The following MS4A6E variants were observed in gnomAD, a reference collection of about 807,000 sequenced individuals.
MS4A6E encodes membrane spanning 4-domains A6E.
MS4A6E carries 8 observed loss-of-function variants against 13.2 expected under a neutral mutation model. The observed-to-expected ratio is 0.60, with a 90% CI of 0.35 to 1.09. The LOEUF (loss-of-function observed/expected upper bound fraction) is 1.09. MS4A6E is among the 50% of genes least tolerant of loss of function. MS4A6E has a pLI of 0.02. For missense variants in MS4A6E, 177 were observed against 171.1 expected (o/e 1.03, Z -0.19); for synonymous variants, 72 against 67.6 (o/e 1.06, Z -0.32).
intron 1 of MS4A6E, among the ~76,000 whole-genome samples, chr11:60,330,244 T>C (rs895354315): frequency 2.0e-5 from 3 of 150,036 alleles, no homozygotes; most frequent in Non-Finnish European, 4.4e-5. Flanking sequence ...TTTTCTCCCA[T>C]TCTGTAGGTC....
At chr11:60,342,127 A>G (rs1279926004), downstream of MS4A6E, among the ~76,000 whole-genome samples, 2 of 148,800 alleles carry the variant, frequency 1.3e-5, no homozygotes, top group Admixed American at 6.7e-5. Context: ...TGCCTAAAAG[A>G]ATGTAGAGGA....
intron 1 of MS4A6E, among the ~76,000 whole-genome samples, chr11:60,329,679 A>C (rs1035562616): frequency 5.9e-5 from 9 of 152,106 alleles, no homozygotes; most frequent in Non-Finnish European, 1.3e-4. Flanking sequence ...TTTAATGATC[A>C]CTATTCTAAT....
chr11:60,341,278 A>C lies in MS4A6E; in HGVS notation c.*512A>C, dbSNP rs1161395406. On this transcript the variant is annotated 3_prime_UTR_variant, in exon 5 of 5. Coordinates refer to ENST00000684409, the MANE Select transcript of MS4A6E (RefSeq NM_139249.4). ...ATTAGTGCATAAAGGCAAACCCCAT[A>C]ATGAAGTCTCCGAGTGTATGAAAGT... Among the ~76,000 whole-genome samples, 1 of 152,226 alleles carries C rather than the reference A, an allele frequency of 6.6e-6. No individual in the cohort carries two copies. The highest frequency in any genetic ancestry group is 2.4e-5 in the African/African-American group (1 of 41,450).
At chr11:60,328,761 T>C (rs898348569) in intron 1 of MS4A6E, among the ~76,000 whole-genome samples, 1 of 129,472 alleles carries the variant, frequency 7.7e-6, no homozygotes, top group Non-Finnish European at 1.7e-5. Context: ...TTACCAGGGG[T>C]AGAAGAAGAG....
intron 2 of MS4A6E, among the ~76,000 whole-genome samples, chr11:60,336,817 C>G (rs1023854367): frequency 2.0e-5 from 3 of 152,142 alleles, no homozygotes; most frequent in African/African-American, 7.2e-5. Context: ...CAATAGCTTT[C>G]AGAATGCTGT....
chr11:60,348,763 T>C (rs2085266726), intron 4 of MS4A6E, among the ~76,000 whole-genome samples: 1 of 152,240 alleles, frequency 6.6e-6, no homozygotes, highest in Admixed American at 6.5e-5. Flanking sequence ...CCCAGTAACC[T>C]GGGGGATTGG....
chr11:60,335,122 T>C, intron 2 of MS4A6E, 80 bp downstream of exon 2: 1 of 1,561,244 alleles, frequency 6.4e-7, no homozygotes, highest in Non-Finnish European at 8.7e-7. Flanking sequence ...CTGGTCATCC[T>C]TGTGAGTGTG....
intron 1 of MS4A6E, among the ~76,000 whole-genome samples, chr11:60,332,606 T>A (rs10750932): frequency 0.36 from 54,460 of 152,098 alleles, 10,280 homozygotes; most frequent in East Asian, 0.41. Flanking sequence ...CAGTTTGACA[T>A]GGCATGGTTT....
chr11:60,330,733 G>A (rs867992360), intron 1 of MS4A6E, among the ~76,000 whole-genome samples: 1 of 152,164 alleles, frequency 6.6e-6, no homozygotes, highest in African/African-American at 2.4e-5. Flanking sequence ...TTTCTTCTAT[G>A]GTTTTTATGG....
chr11:60,329,346 G>T (rs1201672108), intron 1 of MS4A6E, among the ~76,000 whole-genome samples: 4 of 152,130 alleles, frequency 2.6e-5, no homozygotes, highest in Admixed American at 6.5e-5. Context: ...TGGCTGCATA[G>T]TATTCCATAG....
chr11:60,342,027 A>T (rs1334147983), downstream of MS4A6E, among the ~76,000 whole-genome samples: 1 of 152,194 alleles, frequency 6.6e-6, no homozygotes, highest in Non-Finnish European at 1.5e-5. Context: ...CAGAGATGAC[A>T]ATGAAGTTAG....
At chr11:60,337,625 T>C in intron 2 of MS4A6E, 116 bp from the exon 3 acceptor site, 1 of 1,294,830 alleles carries the variant, frequency 7.7e-7, no homozygotes, top group Non-Finnish European at 1.1e-6. Flanking sequence ...AAATGATCCC[T>C]CCGGGACTTC....
Position 60,334,994 on chromosome 11 carries a change from G to A in MS4A6E, c.99G>A (p.Gly33=), listed in dbSNP as rs182542616. ...AGAAACCCGAACCCACCAACCAGGG[G>A]CAGGATAGCCTGAAGAAACGTCTAC... ...QAEKPEPTNQ[G]QDSLKKRLQA... is the part of the protein sequence containing the mutation. The change falls in exon 2 of 5, where the codon GGG becomes GGA. Residue 33 remains glycine, a synonymous_variant. Coordinates refer to ENST00000684409, the MANE Select transcript of MS4A6E (RefSeq NM_139249.4). 4.3e-6 allele frequency: 7 copies of A among 1,614,160 alleles called. No homozygotes were observed. In the African/African-American group the frequency reaches 5.3e-5, roughly 12 times the overall value.
At chr11:60,341,852 C>G (rs1405540000), downstream of MS4A6E, among the ~76,000 whole-genome samples, 2 of 152,074 alleles carry the variant, frequency 1.3e-5, no homozygotes, top group Admixed American at 1.3e-4. Flanking sequence ...TCCTTTGCAC[C>G]CCCCACTGAC....
At chr11:60,338,750 A>T (rs1449332511) in intron 3 of MS4A6E, 1 of 152,286 alleles carries the variant, frequency 6.6e-6, no homozygotes, top group Non-Finnish European at 1.5e-5. Context: ...ATTGTCCTGC[A>T]ATCATAAAAA....
chr11:60,339,634 G>A (rs886869052), intron 3 of MS4A6E, among the ~76,000 whole-genome samples: 2 of 152,146 alleles, frequency 1.3e-5, no homozygotes, highest in African/African-American at 4.8e-5. Context: ...TGTATGAAAT[G>A]GATTAGTTGA....
downstream of MS4A6E, among the ~76,000 whole-genome samples, chr11:60,342,192 AGAGAGAGAGG>A (rs763981629): frequency 1.1e-4 from 9 of 79,508 alleles, no homozygotes; most frequent in Admixed American, 1.1e-3. Flanking sequence ...AGAGAGAGAG[AGAGAGAGAGG>A]GGGGGGGAGA....
At chr11:60,344,232 C>G (rs914137793), downstream of MS4A6E, among the ~76,000 whole-genome samples, 1 of 152,192 alleles carries the variant, frequency 6.6e-6, no homozygotes, top group Non-Finnish European at 1.5e-5. Context: ...TTAACTAACA[C>G]TTTATTACCT....
intron 4 of MS4A6E, among the ~76,000 whole-genome samples, chr11:60,347,391 A>G (rs924888291): frequency 1.3e-5 from 2 of 152,094 alleles, no homozygotes; most frequent in Non-Finnish European, 2.9e-5. Context: ...GTTGGATAAT[A>G]TTAAAATCAA....
Sources: gnomAD v4.1 joint callset for allele counts (sites outside exome capture counted in the v4.1 genomes callset) on GRCh38, gnomAD v4.1.1 for gene constraint, MANE v1.5 for transcripts, NCBI Gene and HGNC (gene_info 2026-07-23, HGNC 2026-07-21) for gene names.